LIX1L: variants seen among roughly 807,000 people sequenced by gnomAD.
LIX1L encodes limb and CNS expressed 1 like, also known as LIX1-like protein.
Under a neutral mutation model 34.0 loss-of-function variants are expected in LIX1L, and 20 were observed. The observed-to-expected ratio is 0.59, with a 90% CI of 0.41 to 0.85. The LOEUF (loss-of-function observed/expected upper bound fraction) is 0.85, where lower values mean the gene tolerates loss of function less well. Ranked by LOEUF, LIX1L falls within the 40% of genes least tolerant of loss-of-function variation. The probability of loss-of-function intolerance (pLI) is 0.00; values close to 1 mark genes in which losing one functional copy is unlikely to be tolerated. For missense variants in LIX1L, 397 were observed against 447.0 expected, an observed-to-expected ratio of 0.89 and a Z score of 1.01; for synonymous variants, 170 against 187.4, an observed-to-expected ratio of 0.91 and a Z score of 0.76.
chr1:145,957,547 T>G, intron 1 of LIX1L, 89 bp downstream of exon 1: 1 of 1,348,770 alleles, frequency 7.4e-7, no homozygotes, highest in Non-Finnish European at 9.5e-7. Flanking sequence ...ATGTGAGGGC[T>G]CCACGCCAGG....
At chr1:145,946,928 G>A (rs1649132236) in intron 2 of LIX1L, among the ~76,000 whole-genome samples, 1 of 152,136 alleles carries the variant, frequency 6.6e-6, no homozygotes, top group East Asian at 1.9e-4. Context: ...TGTCTGCAAT[G>A]TAAAAAATCC....
intron 4 of LIX1L, 30 bp from the exon 5 acceptor site, chr1:145,937,015 C>T: frequency 2.0e-6 from 3 of 1,499,050 alleles, no homozygotes; most frequent in Non-Finnish European, 1.9e-6. Context: ...AGTACCAGGA[C>T]AGTGATTTTT....
At chr1:145,943,011 G>A (rs976498551) in intron 2 of LIX1L, among the ~76,000 whole-genome samples, 158 bp from the exon 3 acceptor site, 1 of 152,204 alleles carries the variant, frequency 6.6e-6, no homozygotes, top group Admixed American at 6.5e-5. Flanking sequence ...TGGTAAAGTG[G>A]TTGGGATGTT....
At chr1:145,936,866 A>C (rs782642797) in intron 5 of LIX1L, 42 bp downstream of exon 5, 1 of 1,305,110 alleles carries the variant, frequency 7.7e-7, no homozygotes, top group Admixed American at 1.7e-5. Context: ...CCACTGACAG[A>C]TTGTGCTCCC....
intron 1 of LIX1L, among the ~76,000 whole-genome samples, chr1:145,953,753 T>G (rs1457063056): frequency 1.3e-5 from 2 of 152,080 alleles, no homozygotes; most frequent in Non-Finnish European, 2.9e-5. Flanking sequence ...TTCACAAGTG[T>G]CCTTATAAGA....
At position 145,936,942 on chromosome 1, in the gene LIX1L, A is replaced by G. The variant is rs782029913; in HGVS notation, c.737T>C (p.Leu246Pro). 7 of 1,613,690 alleles carry G rather than the reference A, an allele frequency of 4.3e-6. No homozygotes were observed. The highest frequency in any genetic ancestry group is 3.3e-5 in the Admixed American group (2 of 60,002). Residue 246 changes from leucine (L) to proline (P), a missense_variant, in exon 5 of 6, where the codon CTT (leucine) becomes CCT (proline). Coordinates refer to ENST00000604000, the MANE Select transcript of LIX1L (RefSeq NM_153713.3). ...VFQLLHWNGS[L>P]KAMRERQCSR... is the part of the protein sequence containing the mutation. The stretch of plus-strand genomic sequence containing the variant: ...GCATTGTCGTTCCCTCATGGCCTTA[A>G]GGCTGCCATTCCAGTGTAGCAGTTG...
At chr1:145,953,533 T>G (rs1553760031) in intron 1 of LIX1L, among the ~76,000 whole-genome samples, 3 of 152,212 alleles carry the variant, frequency 2.0e-5, no homozygotes, top group Non-Finnish European at 4.4e-5. Flanking sequence ...TAGCCCACGA[T>G]CCACAGTCTC....
rs1246733190 is a variant in LIX1L at position 145,936,296 on chromosome 1, AT to A, written c.*13del. 6.2e-7 allele frequency: 1 copy of A among 1,613,120 alleles called. No homozygotes were observed. The highest frequency in any genetic ancestry group is 8.5e-7 in the Non-Finnish European group (1 of 1,179,218). On this transcript the variant is annotated 3_prime_UTR_variant, in exon 6 of 6. Transcript: ENST00000604000. Reference sequence around the variant, plus strand: ...AAGGCTGTGGAAAGCCTGGGGAGTTATGTGGGTGGATGCCTAGCAGTTGGAA... The same window carrying A: ...AAGGCTGTGGAAAGCCTGGGGAGTTAGTGGGTGGATGCCTAGCAGTTGGAA...
In LIX1L at chr1:145,937,738, A is replaced by G. The variant is rs782170036; in HGVS notation, c.598-39T>C. On this transcript the variant is annotated intron_variant, in intron 3 of 5. Transcript: ENST00000604000. ...AACAGAAAAGACAAATAGATTTTCA[A>G]CCAGGATTATCATCTCAAGCAGCAC... 8.9e-6 allele frequency: 11 copies of G among 1,240,446 alleles called. No homozygotes were observed. The Admixed American group carries it at 1.9e-4, about 21-fold the overall frequency. The allele number at this position is 1,240,446 out of a possible 1,614,324, so 76.8% of individuals were successfully genotyped here.
intron 3 of LIX1L, among the ~76,000 whole-genome samples, chr1:145,938,173 C>T (rs1648740400): frequency 6.6e-6 from 1 of 151,214 alleles, no homozygotes; most frequent in African/African-American, 2.4e-5. Flanking sequence ...TCTTATTTAA[C>T]CCAATATGTT....
rs782104465 is a variant in LIX1L, at chr1:145,936,077, G to A, written c.*233C>T. The A allele has an allele frequency of 2.2e-5, 11 of 504,870 alleles. 1 individual carries two copies. The South Asian group carries it at 2.7e-4, about 13-fold the overall frequency. 31.3% of individuals were successfully genotyped at this position (504,870 alleles called of 1,614,324 possible). On this transcript the variant is annotated 3_prime_UTR_variant, in exon 6 of 6. Transcript: ENST00000604000. Reference sequence around the variant, plus strand: ...AGAGCTAACAAAGCTGCAAAGACAAGCTGCTCTTTGTTGTAAAGTGGACTG... The same window carrying A: ...AGAGCTAACAAAGCTGCAAAGACAAACTGCTCTTTGTTGTAAAGTGGACTG...
At chr1:145,937,451 G>A (rs1648702965) in intron 4 of LIX1L, 153 bp downstream of exon 4, 2 of 563,778 alleles carry the variant, frequency 3.5e-6, no homozygotes, top group South Asian at 2.2e-5. Context: ...GAGCCACCAT[G>A]CCCAGCCAGG....
intron 3 of LIX1L, among the ~76,000 whole-genome samples, chr1:145,938,093 G>A (rs1274187453): frequency 6.7e-6 from 1 of 150,168 alleles, no homozygotes; most frequent in East Asian, 1.9e-4. Flanking sequence ...CTGCACTCCA[G>A]CCTGGACAAC....
At position 145,942,871 on chromosome 1, in the gene LIX1L, A is replaced by T; in HGVS notation, c.457-18T>A. On this transcript the variant is annotated intron_variant, in intron 2 of 5. Transcript: ENST00000604000. ...GGGCAAAACTAGGCAGGGGAGAAAG[A>T]GTGAGAATATGTGTATTTGTGCATA... is the stretch of plus-strand genomic sequence containing the variant. 6.2e-7 allele frequency: 1 copy of T among 1,613,410 alleles called. No homozygotes were observed. Among genetic ancestry groups the T allele is most frequent in the Non-Finnish European group, 8.5e-7 (1 of 1,179,428 alleles).
chr1:145,943,990 TATG>T (rs1202344251), intron 2 of LIX1L, among the ~76,000 whole-genome samples: 1 of 151,934 alleles, frequency 6.6e-6, no homozygotes. Flanking sequence ...TGCAGTGAGT[TATG>T]ATCACACCAC....
chr1:145,939,422 C>T (rs1648797846), intron 3 of LIX1L, among the ~76,000 whole-genome samples: 1 of 151,578 alleles, frequency 6.6e-6, no homozygotes, highest in Non-Finnish European at 1.5e-5. Context: ...TTTCCTACCT[C>T]AGCCTCCCAC....
chr1:145,943,313 C>T (rs1220222052), intron 2 of LIX1L, among the ~76,000 whole-genome samples: 1 of 152,172 alleles, frequency 6.6e-6, no homozygotes. Flanking sequence ...CTACAGAGGC[C>T]ACTGGTCTCT....
intron 1 of LIX1L, 110 bp from the exon 2 acceptor site, chr1:145,947,892 A>G (rs937594285): frequency 1.1e-6 from 1 of 875,842 alleles, no homozygotes; most frequent in Non-Finnish European, 1.8e-6. Flanking sequence ...TCTGCCCCTT[A>G]GCTCCCTACC....
In LIX1L at chr1:145,947,700, A is replaced by T. The variant is rs1553759407; in HGVS notation, c.375T>A (p.Val125=). 3 of 1,614,120 alleles carry T rather than the reference A, an allele frequency of 1.9e-6. No homozygotes were observed. The highest frequency in any genetic ancestry group is 2.2e-5 in the South Asian group (2 of 91,062). The change falls in exon 2 of 6, where the codon GTT becomes GTA. Residue 125 remains valine, a synonymous_variant. Transcript: ENST00000604000. ...GADLKNGALV[V]YEMVPSNSPP... ...GGCTGTTGGAGGGAACCATCTCATAAACCACTAGAGCCCCATTCTTTAAGT... is the reference window on the plus strand; with the variant it reads ...GGCTGTTGGAGGGAACCATCTCATATACCACTAGAGCCCCATTCTTTAAGT...
Sources: gnomAD v4.1 joint callset for allele counts (sites outside exome capture counted in the v4.1 genomes callset) on GRCh38, gnomAD v4.1.1 for gene constraint, MANE v1.5 for transcripts, NCBI Gene and HGNC (gene_info 2026-07-23, HGNC 2026-07-21) for gene names.